The following RIMS2 variants were observed in gnomAD, a reference collection of about 807,000 sequenced individuals.
RIMS2 encodes the protein regulating synaptic membrane exocytosis 2.
Under a neutral mutation model 174.4 loss-of-function variants are expected in RIMS2, and 59 were observed. That is an observed-to-expected ratio of 0.34 (90% CI 0.27 to 0.42). The LOEUF is 0.42. RIMS2 is among the 10% of genes least tolerant of loss of function. The probability of loss-of-function intolerance (pLI) is 1.00; values close to 1 mark genes in which losing one functional copy is unlikely to be tolerated. For missense variants in RIMS2, 1,620 were observed against 1,666.3 expected (o/e 0.97, Z 0.48); for synonymous variants, 606 against 572.5 (o/e 1.06, Z -0.84).
chr8:103,760,121 C>T (rs1050587859), intron 2 of RIMS2, among the ~76,000 whole-genome samples: 1 of 152,120 alleles, frequency 6.6e-6, no homozygotes, highest in Non-Finnish European at 1.5e-5. Context: ...TTTTTCAAAG[C>T]CACAGCGATA....
intron 3 of RIMS2, among the ~76,000 whole-genome samples, chr8:103,767,790 G>T (rs1016539362): frequency 6.6e-6 from 1 of 152,224 alleles, no homozygotes; most frequent in East Asian, 1.9e-4. Flanking sequence ...TAGTAAAAGG[G>T]AACAGTACAT....
chr8:103,622,227 A>AG (rs1564056020), intron 1 of RIMS2, among the ~76,000 whole-genome samples: 1 of 152,184 alleles, frequency 6.6e-6, no homozygotes, highest in East Asian at 1.9e-4. Context: ...AACACATAGA[A>AG]GGGTATCTAT....
chr8:103,965,576 T>C (rs544250809), intron 15 of RIMS2, among the ~76,000 whole-genome samples: 1 of 152,230 alleles, frequency 6.6e-6, no homozygotes, highest in East Asian at 1.9e-4. Flanking sequence ...ACATAGACAA[T>C]CATGGCATCA....
At chr8:103,952,555 A>G (rs1427544689) in intron 14 of RIMS2, among the ~76,000 whole-genome samples, 4 of 152,182 alleles carry the variant, frequency 2.6e-5, no homozygotes, top group East Asian at 3.9e-4. Flanking sequence ...ACAGAAAGGA[A>G]TAGTATTAAC....
At chr8:104,211,949 A>G (rs1256762919) in intron 19 of RIMS2, among the ~76,000 whole-genome samples, 2 of 152,218 alleles carry the variant, frequency 1.3e-5, no homozygotes, top group African/African-American at 4.8e-5. Flanking sequence ...ACAGAATTTT[A>G]TGATGATGAT....
chr8:104,200,748 A>G (rs2099050629), intron 19 of RIMS2, among the ~76,000 whole-genome samples: 1 of 152,056 alleles, frequency 6.6e-6, no homozygotes. Context: ...TCTACAGAAA[A>G]AACACAGAAA....
At chr8:103,845,688 G>C (rs1031124912) in intron 3 of RIMS2, among the ~76,000 whole-genome samples, 4 of 152,040 alleles carry the variant, frequency 2.6e-5, no homozygotes, top group African/African-American at 9.7e-5. Flanking sequence ...AAGAAAAAGG[G>C]CTTGAAAGTT....
intron 19 of RIMS2, among the ~76,000 whole-genome samples, chr8:104,179,639 T>C (rs2098928476): frequency 6.6e-6 from 1 of 151,902 alleles, no homozygotes; most frequent in Non-Finnish European, 1.5e-5. Flanking sequence ...TAGGAAAATG[T>C]AGTAAAATAA....
intron 19 of RIMS2, chr8:104,094,355 T>C (rs1295962865): frequency 5.5e-6 from 3 of 548,998 alleles, no homozygotes; most frequent in African/African-American, 3.8e-5. Flanking sequence ...TTAAAAGATA[T>C]AATTTTTACT....
intron 12 of RIMS2, among the ~76,000 whole-genome samples, chr8:103,931,991 T>C (rs1387254987): frequency 6.6e-6 from 1 of 152,148 alleles, no homozygotes; most frequent in East Asian, 1.9e-4. Flanking sequence ...TTTTTCTTTT[T>C]GTTCTACCCT....
At chr8:104,036,645 G>A (rs1191039624) in intron 19 of RIMS2, among the ~76,000 whole-genome samples, 6 of 151,872 alleles carry the variant, frequency 4.0e-5, no homozygotes, top group Non-Finnish European at 8.8e-5. Context: ...TTAGGAGGCC[G>A]AGGTGGGCAG....
intron 1 of RIMS2, among the ~76,000 whole-genome samples, chr8:103,582,568 G>C (rs941569812): frequency 4.6e-5 from 7 of 152,174 alleles, no homozygotes; most frequent in Admixed American, 2.0e-4. Flanking sequence ...ACCTGGAAGG[G>C]TGAGTCCCAG....
intron 19 of RIMS2, among the ~76,000 whole-genome samples, chr8:104,229,788 G>T (rs1398597375): frequency 2.0e-5 from 3 of 151,608 alleles, no homozygotes; most frequent in African/African-American, 7.3e-5. Flanking sequence ...CCAAAGAAGA[G>T]ATTTCACTTA....
chr8:103,683,584 C>T (rs1027438439), intron 1 of RIMS2, among the ~76,000 whole-genome samples: 4 of 152,148 alleles, frequency 2.6e-5, no homozygotes, highest in African/African-American at 9.7e-5. Context: ...AGAACTGAAA[C>T]AATATTGCTC....
At chr8:104,068,214 T>C (rs753347334) in intron 19 of RIMS2, among the ~76,000 whole-genome samples, 4 of 152,238 alleles carry the variant, frequency 2.6e-5, no homozygotes, top group African/African-American at 4.8e-5. Flanking sequence ...TCAAATGTAT[T>C]CTGGACATAC....
chr8:104,240,511 A>C (rs780234198), intron 19 of RIMS2, among the ~76,000 whole-genome samples: 5 of 152,230 alleles, frequency 3.3e-5, no homozygotes, highest in Admixed American at 6.5e-5. Flanking sequence ...AACATTGAAA[A>C]AGACATGTAT....
intron 1 of RIMS2, among the ~76,000 whole-genome samples, chr8:103,683,692 G>T (rs760983817): frequency 6.6e-6 from 1 of 152,170 alleles, no homozygotes; most frequent in Non-Finnish European, 1.5e-5. Flanking sequence ...TGTTGCAGTG[G>T]AAATGCACAG....
chr8:103,596,028 C>A (rs1322686441), intron 1 of RIMS2, among the ~76,000 whole-genome samples: 1 of 151,902 alleles, frequency 6.6e-6, no homozygotes, highest in African/African-American at 2.4e-5. Flanking sequence ...ATACCTTTTA[C>A]ACTCTTAGAT....
At chr8:103,741,834 G>A (rs2097764530) in intron 2 of RIMS2, among the ~76,000 whole-genome samples, 1 of 152,014 alleles carries the variant, frequency 6.6e-6, no homozygotes, top group Admixed American at 6.6e-5. Context: ...AATTTCCAAA[G>A]CTGGTCCTGT....
Sources: allele counts gnomAD v4.1 joint callset (sites outside exome capture counted in the v4.1 genomes callset), GRCh38; gene constraint gnomAD v4.1.1; transcripts MANE v1.5; gene names NCBI Gene and HGNC (gene_info 2026-07-23, HGNC 2026-07-21).